ME3: variants seen among roughly 807,000 people sequenced by gnomAD.
The protein encoded by ME3 is NADP-dependent malic enzyme, mitochondrial.
A neutral mutation model predicts 68.9 loss-of-function variants in ME3; 48 were observed. That is an observed-to-expected ratio of 0.70 (90% CI 0.55 to 0.89). The LOEUF is 0.89. Ranked by LOEUF, ME3 falls within the 40% of genes least tolerant of loss-of-function variation. The probability of loss-of-function intolerance (pLI) is 0.00; values close to 1 mark genes in which losing one functional copy is unlikely to be tolerated. For synonymous variants in ME3, 320 were observed against 318.8 expected, an observed-to-expected ratio of 1.00 and a Z score of -0.04; for missense variants, 675 against 797.4, an observed-to-expected ratio of 0.85 and a Z score of 1.85.
At chr11:86,610,995 A>T (rs117861641) in intron 2 of ME3, among the ~76,000 whole-genome samples, 1 of 152,162 alleles carries the variant, frequency 6.6e-6, no homozygotes, top group Non-Finnish European at 1.5e-5. Flanking sequence ...CTTCAAGCCA[A>T]CCTGACTTCC....
At chr11:86,649,781 T>C (rs1337462250) in intron 2 of ME3, among the ~76,000 whole-genome samples, 2 of 152,174 alleles carry the variant, frequency 1.3e-5, no homozygotes, top group African/African-American at 4.8e-5. Context: ...CAAGGAGAAC[T>C]ACAAACCACC....
chr11:86,464,231 A>T, intron 8 of ME3: 1 of 337,180 alleles, frequency 3.0e-6, no homozygotes, highest in Non-Finnish European at 5.8e-6. Context: ...TTTTTAAAAG[A>T]TTGCTTGGCA....
intron 13 of ME3, among the ~76,000 whole-genome samples, chr11:86,443,586 C>G (rs1593973536): frequency 6.6e-6 from 1 of 152,214 alleles, no homozygotes; most frequent in South Asian, 2.1e-4. Context: ...GCAAATCAGC[C>G]TCTTTAATGT....
Position 86,498,212 on chromosome 11 carries a change from C to T in ME3, c.544-88G>A, listed in dbSNP as rs780864050. 200 of 1,441,282 alleles carry T rather than the reference C, an allele frequency of 1.4e-4. 1 individual carries two copies. The highest frequency in any genetic ancestry group is 1.4e-3 in the African/African-American group (97 of 70,194). 89.3% of individuals were successfully genotyped at this position (1,441,282 alleles called of 1,614,324 possible). On this transcript the variant is annotated intron_variant, in intron 5 of 14. Coordinates refer to ENST00000543262, the Ensembl canonical transcript of ME3. ...AGCAGCCCCAGCCCATCAGGCTTGG[C>T]GACTGGATGCCCACTGACTTTGCCG...
intron 4 of ME3, among the ~76,000 whole-genome samples, chr11:86,551,351 C>T (rs1339320654): frequency 1.3e-5 from 2 of 152,134 alleles, no homozygotes; most frequent in Non-Finnish European, 2.9e-5. Flanking sequence ...CTACCTCTGA[C>T]TCCAGCCCAA....
At chr11:86,524,774 T>C (rs1262243819) in intron 4 of ME3, among the ~76,000 whole-genome samples, 5 of 152,290 alleles carry the variant, frequency 3.3e-5, no homozygotes, top group Non-Finnish European at 5.9e-5. Flanking sequence ...TCAGGGACCA[T>C]GATCCCTGGA....
intron 2 of ME3, among the ~76,000 whole-genome samples, chr11:86,587,661 T>C (rs1263146009): frequency 6.6e-6 from 1 of 152,122 alleles, no homozygotes; most frequent in Non-Finnish European, 1.5e-5. Context: ...AGAAAGACAG[T>C]AGAAAAAGCC....
Position 86,487,550 on chromosome 11 carries a change from G to C in ME3, c.706-110C>G, listed in dbSNP as rs541794085. ...AAGAACCAGAAGGTGGGAGGAGAGG[G>C]GGGAGTAAGAAGGTAACTGGATCCC... On this transcript the variant is annotated intron_variant, in intron 6 of 14. Coordinates refer to ENST00000543262, the Ensembl canonical transcript of ME3. 836 of 851,596 alleles carry C rather than the reference G, an allele frequency of 9.8e-4. 15 individuals are homozygous for C. In the South Asian group the frequency reaches 0.013, roughly 13 times the overall value. The allele number at this position is 851,596 out of a possible 1,614,324, so 52.8% of individuals were successfully genotyped here. A position where few individuals can be genotyped will look rare whatever the true frequency, so the allele number is the denominator to read the frequency against.
intron 2 of ME3, among the ~76,000 whole-genome samples, chr11:86,618,016 G>C (rs1339551712): frequency 1.3e-5 from 2 of 152,112 alleles, no homozygotes; most frequent in Non-Finnish European, 2.9e-5. Context: ...TTCACAAGAT[G>C]TAGGATCATG....
rs761021926 is a variant in ME3, at chr11:86,498,082, CT to C, written c.585del (p.Asp196ThrfsTer23). 13 of 1,613,686 alleles carry C rather than the reference CT, an allele frequency of 8.1e-6. No individual in the cohort carries two copies. The highest frequency in any genetic ancestry group is 1.3e-5 in the African/African-American group (1 of 75,042). On this transcript the variant is annotated frameshift_variant, in exon 6 of 15. Transcript: ENST00000543262. LOFTEE classifies it high-confidence loss of function. Reference sequence around the variant, plus strand: ...ATGCCCATGCCGTAGCAGCCCAGGTCTCCCAGGCCCAGGATGCGCTCCCCAT... The same window carrying C: ...ATGCCCATGCCGTAGCAGCCCAGGTCCCCAGGCCCAGGATGCGCTCCCCAT...
intron 4 of ME3, among the ~76,000 whole-genome samples, chr11:86,522,929 G>A (rs1179437896): frequency 6.6e-6 from 1 of 152,166 alleles, no homozygotes; most frequent in African/African-American, 2.4e-5. Context: ...TTTTATATCA[G>A]GGATTTGAGC....
intron 5 of ME3, among the ~76,000 whole-genome samples, chr11:86,507,591 C>T (rs1156663924): frequency 6.6e-6 from 1 of 152,212 alleles, no homozygotes; most frequent in African/African-American, 2.4e-5. Context: ...GATACCAGAA[C>T]CCCTCAAACT....
chr11:86,625,742 A>G (rs1943622494), intron 2 of ME3, among the ~76,000 whole-genome samples: 1 of 152,192 alleles, frequency 6.6e-6, no homozygotes, highest in Admixed American at 6.5e-5. Flanking sequence ...TTAATGTAAA[A>G]CTGAAATTAA....
At chr11:86,460,277 A>G (rs1219924659) in intron 8 of ME3, among the ~76,000 whole-genome samples, 2 of 152,194 alleles carry the variant, frequency 1.3e-5, no homozygotes, top group African/African-American at 2.4e-5. Context: ...GGTGGGAGGC[A>G]GAGATGATGA....
At chr11:86,652,954 G>A (rs1487345541) in intron 2 of ME3, among the ~76,000 whole-genome samples, 1 of 149,780 alleles carries the variant, frequency 6.7e-6, no homozygotes, top group Non-Finnish European at 1.5e-5. Context: ...CCTAGTCTCT[G>A]ATAAAACAGA....
At chr11:86,560,742 G>GTATATATATATATATATA (rs1201892920) in intron 2 of ME3, among the ~76,000 whole-genome samples, 78 of 58,252 alleles carry the variant, frequency 1.3e-3, no homozygotes, top group Non-Finnish European at 2.4e-3. Context: ...GTGTGTGTGT[G>GTATATATATATATATATA]TGTGTGTATA....
intron 4 of ME3, among the ~76,000 whole-genome samples, chr11:86,520,944 C>G (rs957741739): frequency 1.5e-4 from 23 of 152,212 alleles, no homozygotes; most frequent in Admixed American, 1.3e-4. Context: ...TTCCAAAACT[C>G]TAGAGTTCCA....
At chr11:86,469,057 G>T (rs376080597) in intron 7 of ME3, among the ~76,000 whole-genome samples, 2 of 150,444 alleles carry the variant, frequency 1.3e-5, no homozygotes, top group Non-Finnish European at 2.9e-5. Flanking sequence ...AGCCTTACAG[G>T]TTCTTAAAAA....
intron 5 of ME3, among the ~76,000 whole-genome samples, chr11:86,502,736 T>G (rs1952810540): frequency 6.6e-6 from 1 of 152,192 alleles, no homozygotes; most frequent in South Asian, 2.1e-4. Flanking sequence ...GTTTTATAAT[T>G]CATAACTCCC....
Sources: gnomAD v4.1 joint callset for allele counts (sites outside exome capture counted in the v4.1 genomes callset) on GRCh38, gnomAD v4.1.1 for gene constraint, MANE v1.5 for transcripts, NCBI Gene and HGNC (gene_info 2026-07-23, HGNC 2026-07-21) for gene names.